Variants in OVCH1 observed in about 807,000 individuals in gnomAD.
OVCH1 encodes ovochymase-1.
Under a neutral mutation model 138.4 loss-of-function variants are expected in OVCH1, and 139 were observed. The ratio of observed to expected loss-of-function variants is 1.00; its 90% CI spans 0.87 to 1.16. The LOEUF is 1.16. Among genes scored for constraint, OVCH1 ranks in the 50% most tolerant of loss-of-function variants. OVCH1 has a pLI of 0.00. For missense variants in OVCH1, 1,367 were observed against 1,357.9 expected, an observed-to-expected ratio of 1.01 and a Z score of -0.11; for synonymous variants, 453 against 467.8, an observed-to-expected ratio of 0.97 and a Z score of 0.41.
chr12:29,480,886 A>G (rs1207542630), intron 8 of OVCH1, among the ~76,000 whole-genome samples: 1 of 152,198 alleles, frequency 6.6e-6, no homozygotes, highest in Admixed American at 6.5e-5. Context: ...CTGACTGTGC[A>G]AATTGGCCCT....
At position 29,427,587 on chromosome 12, in the gene OVCH1, G is replaced by T; in HGVS notation, c.3389C>A (p.Ser1130Ter). The stretch of plus-strand genomic sequence containing the variant: ...GGGCTGTGCCTAAGAACCAGAAAGT[G>T]AGCCCTTAGCAGGCACCAAATCTGC... The change falls in exon 28 of 28, where the codon TCA (serine) becomes TAA (stop). Residue 1130 changes from serine (S) to a stop codon, truncating the protein, a stop_gained. Transcript: ENST00000318184. LOFTEE classifies it high-confidence loss of function. 1 of 1,551,466 alleles carries T rather than the reference G, an allele frequency of 6.4e-7. No individual in the cohort carries two copies. The highest frequency in any genetic ancestry group is 8.7e-7 in the Non-Finnish European group (1 of 1,146,756).
chr12:29,475,028 A>G lies in OVCH1; in HGVS notation c.1600+33T>C, dbSNP rs182961049. On this transcript the variant is annotated intron_variant, in intron 14 of 27. Coordinates refer to ENST00000318184, the Ensembl canonical transcript of OVCH1. ...CTTCCCTGTAACCATTTGCATAAAC[A>G]AAAGTCCTTATTACACAAATGTTTA... The G allele has an allele frequency of 4.4e-5, 69 of 1,562,902 alleles. 1 individual carries two copies. The East Asian group carries it at 1.5e-3, about 34-fold the overall frequency.
chr12:29,488,620 CAA>C (rs67595567), intron 6 of OVCH1, among the ~76,000 whole-genome samples: 1,667 of 61,676 alleles, frequency 0.027, 10 homozygotes, highest in Middle Eastern at 0.06. Flanking sequence ...GACTCCATCT[CAA>C]AAAAAAAAAA....
In OVCH1 at chr12:29,458,397, GACAGTC is replaced by G. The variant is rs575026086; in HGVS notation, c.2281-2998_2281-2993del. Among the ~76,000 whole-genome samples, 9 of 151,992 alleles carry G rather than the reference GACAGTC, an allele frequency of 5.9e-5. No individual in the cohort carries two copies. In the East Asian group the frequency reaches 1.7e-3, roughly 29 times the overall value. On this transcript the variant is annotated intron_variant, in intron 19 of 27. Coordinates refer to ENST00000318184, the Ensembl canonical transcript of OVCH1. ...AAAAAAAAAAATACATTGGGGAAAG[GACAGTC>G]ACTTTGATAAATGGTGCTGGGAAAA...
chr12:29,440,540 T>C (rs1342259112), intron 25 of OVCH1: 1 of 313,466 alleles, frequency 3.2e-6, no homozygotes, highest in South Asian at 2.8e-5. Context: ...CTTGGTTTCT[T>C]AGTATTGATT....
intron 25 of OVCH1, among the ~76,000 whole-genome samples, chr12:29,441,276 A>T (rs1941478536): frequency 6.6e-6 from 1 of 152,218 alleles, no homozygotes; most frequent in African/African-American, 2.4e-5. Context: ...ACAGAGATAT[A>T]GATCAATGGA....
At chr12:29,410,137 CT>C (rs894642248), downstream of OVCH1, among the ~76,000 whole-genome samples, 7 of 149,394 alleles carry the variant, frequency 4.7e-5, no homozygotes. Flanking sequence ...CAACCCCTGC[CT>C]TTTTTTGTTT....
chr12:29,426,330 C>A (rs1404466542), downstream of OVCH1, among the ~76,000 whole-genome samples: 1 of 152,124 alleles, frequency 6.6e-6, no homozygotes. Flanking sequence ...TGCTGACTTA[C>A]ATTAGTTTTA....
chr12:29,476,771 ACACACAC>A, intron 12 of OVCH1, among the ~76,000 whole-genome samples: 1 of 86,836 alleles, frequency 1.2e-5, no homozygotes, highest in East Asian at 3.2e-4. Flanking sequence ...ACACACACAC[ACACACAC>A]ACACACACAC....
downstream of OVCH1, among the ~76,000 whole-genome samples, chr12:29,410,007 A>G (rs1229690748): frequency 1.3e-5 from 2 of 152,246 alleles, no homozygotes; most frequent in South Asian, 2.1e-4. Flanking sequence ...TTGGGTGCGT[A>G]TATATTTAGG....
At chr12:29,426,722 C>T (rs142891594), downstream of OVCH1, among the ~76,000 whole-genome samples, 3 of 152,282 alleles carry the variant, frequency 2.0e-5, no homozygotes, top group African/African-American at 7.2e-5. Context: ...CATTCTATCT[C>T]CAGATCTGTC....
At chr12:29,406,991 T>C in the OVCH1 span, among the ~76,000 whole-genome samples, 3,353 of 149,218 alleles carry the variant, frequency 0.022, 112 homozygotes, top group African/African-American at 0.076. Flanking sequence ...TTTTAATGAT[T>C]GCCATTCTAA....
At chr12:29,470,788 C>T (rs532099921) in intron 16 of OVCH1, among the ~76,000 whole-genome samples, 11 of 152,246 alleles carry the variant, frequency 7.2e-5, no homozygotes, top group Admixed American at 3.9e-4. Flanking sequence ...CTTGAGGAAT[C>T]GCCACACTGT....
At chr12:29,435,251 G>A (rs760038659) in intron 26 of OVCH1, among the ~76,000 whole-genome samples, 10 of 152,146 alleles carry the variant, frequency 6.6e-5, no homozygotes, top group Non-Finnish European at 1.2e-4. Context: ...AGCTACTGGG[G>A]AGGCTGAGGA....
chr12:29,437,347 CCTTA>C (rs982848794), intron 26 of OVCH1, among the ~76,000 whole-genome samples: 10 of 152,024 alleles, frequency 6.6e-5, no homozygotes, highest in African/African-American at 2.4e-4. Context: ...TTGGTTAGAC[CCTTA>C]TTTATTGTAC....
rs534017937 is a variant in OVCH1 at position 29,453,986 on chromosome 12, T to C, written c.2530+855A>G. Among the ~76,000 whole-genome samples, 108 of 152,246 alleles carry C rather than the reference T, an allele frequency of 7.1e-4. 1 individual carries two copies. The highest frequency in any genetic ancestry group is 2.6e-3 in the African/African-American group (108 of 41,566). ...TTTTCTCTTAAAAATCAAACTTTCT[T>C]GAACAACCGCTTCTTTTTGTTCATC... On this transcript the variant is annotated intron_variant, in intron 21 of 27. Transcript: ENST00000318184.
intron 3 of OVCH1, among the ~76,000 whole-genome samples, chr12:29,419,936 A>G (rs573623840): frequency 3.9e-5 from 6 of 152,182 alleles, no homozygotes; most frequent in Non-Finnish European, 8.8e-5. Context: ...TTCAAGAGTA[A>G]AGTTGGGGGA....
intron 21 of OVCH1, among the ~76,000 whole-genome samples, chr12:29,454,069 T>TCC (rs1356221476): frequency 6.6e-6 from 1 of 152,114 alleles, no homozygotes. Flanking sequence ...CTCCATCTAT[T>TCC]CCCAAACACC....
intron 9 of OVCH1, 22 bp downstream of exon 10, chr12:29,478,813 A>C (rs1016351535): frequency 1.9e-5 from 29 of 1,503,560 alleles, no homozygotes; most frequent in Non-Finnish European, 2.5e-5. Flanking sequence ...ATGACAAATA[A>C]AAACAAATGT....
Sources: allele counts gnomAD v4.1 joint callset (sites outside exome capture counted in the v4.1 genomes callset), GRCh38; gene constraint gnomAD v4.1.1; transcripts MANE v1.5; gene names NCBI Gene and HGNC (gene_info 2026-07-23, HGNC 2026-07-21).